Variants in CPNE4 observed in about 807,000 individuals in gnomAD.
CPNE4 encodes the protein copine-4.
CPNE4 carries 25 observed loss-of-function variants against 67.9 expected under a neutral mutation model. The observed-to-expected ratio is 0.37, with a 90% confidence interval of 0.27 to 0.51. The LOEUF (loss-of-function observed/expected upper bound fraction) is 0.51. Ranked by LOEUF, CPNE4 falls within the 20% of genes least tolerant of loss-of-function variation. CPNE4 has a pLI of 0.93. For missense variants in CPNE4, 464 were observed against 690.8 expected (o/e 0.67, Z 3.68); for synonymous variants, 242 against 244.9 (o/e 0.99, Z 0.11).
chr3:131,873,142 A>G (rs1355303464), intron 2 of CPNE4, among the ~76,000 whole-genome samples: 2 of 152,176 alleles, frequency 1.3e-5, no homozygotes, highest in African/African-American at 2.4e-5. Flanking sequence ...TACTTTAACT[A>G]TTGCAAGATT....
chr3:131,705,741 C>T (rs1000893866), intron 3 of CPNE4, among the ~76,000 whole-genome samples: 2 of 152,194 alleles, frequency 1.3e-5, no homozygotes, highest in Admixed American at 1.3e-4. Context: ...TTCCATTTCA[C>T]AGCGTTCTAA....
chr3:131,766,296 A>ACATAGTATCAGGCACATAG (rs145336735), intron 2 of CPNE4, among the ~76,000 whole-genome samples: 2,168 of 152,114 alleles, frequency 0.014, 69 homozygotes, highest in East Asian at 0.11. Flanking sequence ...AAAGTGTTTT[A>ACATAGTATCAGGCACATAG]CAAGTACTCA....
intron 2 of CPNE4, among the ~76,000 whole-genome samples, chr3:131,817,080 AT>A (rs2084770742): frequency 6.6e-6 from 1 of 152,164 alleles, no homozygotes; most frequent in South Asian, 2.1e-4. Flanking sequence ...CGTAAAGGGC[AT>A]TTTCAGCACA....
chr3:131,917,486 A>G (rs942105188), intron 1 of CPNE4, among the ~76,000 whole-genome samples: 18 of 152,126 alleles, frequency 1.2e-4, no homozygotes, highest in African/African-American at 4.3e-4. Flanking sequence ...GAGGAAAGCC[A>G]CTACAGACAT....
At position 131,923,994 on chromosome 3, in the gene CPNE4, G is replaced by A. The variant is rs112603577; in HGVS notation, c.-1-18550C>T. On this transcript the variant is annotated intron_variant, in intron 1 of 15. Coordinates refer to ENST00000429747, the MANE Select transcript of CPNE4 (RefSeq NM_130808.3). Reference sequence around the variant, plus strand: ...CCAAAGGGACCCTCCTGACTCTTACGTGGCCCAGCTTAATTCAACAGAACA... The same window carrying A: ...CCAAAGGGACCCTCCTGACTCTTACATGGCCCAGCTTAATTCAACAGAACA... Among the ~76,000 whole-genome samples the A allele has an allele frequency of 9.1e-3, 1,387 of 152,112 alleles. 18 individuals are homozygous for A. The highest frequency in any genetic ancestry group is 0.032 in the African/African-American group (1,312 of 41,490).
intron 7 of CPNE4, among the ~76,000 whole-genome samples, chr3:131,653,235 T>C (rs1560052971): frequency 2.1e-5 from 3 of 140,662 alleles, no homozygotes. Context: ...AAGCTCCGCC[T>C]CCCGGTTCAC....
intron 11 of CPNE4, among the ~76,000 whole-genome samples, chr3:131,559,263 A>C (rs115185473): frequency 0.02 from 3,083 of 152,152 alleles, 109 homozygotes; most frequent in African/African-American, 0.07. Context: ...ATTGAGTAAT[A>C]CTGCTAGACA....
At chr3:131,764,619 G>A (rs1177301004) in intron 2 of CPNE4, among the ~76,000 whole-genome samples, 2 of 152,076 alleles carry the variant, frequency 1.3e-5, no homozygotes, top group South Asian at 4.1e-4. Flanking sequence ...AGAAAGTAAT[G>A]TGGCAGTGTA....
intron 6 of CPNE4, among the ~76,000 whole-genome samples, chr3:131,671,586 G>T (rs1258456019): frequency 6.6e-6 from 1 of 151,782 alleles, no homozygotes; most frequent in Non-Finnish European, 1.5e-5. Context: ...TTCACTCATC[G>T]GAAAACCTTG....
chr3:131,750,419 T>C (rs1265520923), intron 2 of CPNE4, among the ~76,000 whole-genome samples: 2 of 152,176 alleles, frequency 1.3e-5, no homozygotes, highest in African/African-American at 4.8e-5. Flanking sequence ...TGAACATTTT[T>C]TTAAATTTCA....
At position 131,723,510 on chromosome 3, in the gene CPNE4, CTGA is replaced by C; in HGVS notation, c.293_295del (p.Ile98del). 2 of 1,613,946 alleles carry C rather than the reference CTGA, an allele frequency of 1.2e-6. No individual in the cohort carries two copies. The highest frequency in any genetic ancestry group is 1.7e-6 in the Non-Finnish European group (2 of 1,180,032). On this transcript the variant is annotated inframe_deletion, in exon 3 of 16. Transcript: ENST00000429747. ...CTCCTTCAGCCCATTGTGGTTGCTG[CTGA>C]TGTCATGGACTTCAAACCGCAGGCG...
intron 9 of CPNE4, 69 bp downstream of exon 9, chr3:131,581,510 C>T: frequency 9.8e-7 from 1 of 1,024,420 alleles, no homozygotes; most frequent in Non-Finnish European, 1.5e-6. Flanking sequence ...CCTCTGACCA[C>T]ACCACCTGAA....
intron 1 of CPNE4, among the ~76,000 whole-genome samples, chr3:131,944,721 T>C (rs962182771): frequency 7.8e-6 from 1 of 128,968 alleles, no homozygotes. Flanking sequence ...TACATCTTAA[T>C]TTTTTTACTC....
intron 7 of CPNE4, among the ~76,000 whole-genome samples, chr3:131,591,677 G>A (rs1938540647): frequency 6.6e-6 from 1 of 152,134 alleles, no homozygotes; most frequent in Admixed American, 6.5e-5. Flanking sequence ...CCTCATCAGG[G>A]CAGTTGCAGA....
intron 6 of CPNE4, among the ~76,000 whole-genome samples, chr3:131,683,507 A>G (rs967623572): frequency 6.6e-6 from 1 of 152,144 alleles, no homozygotes; most frequent in Non-Finnish European, 1.5e-5. Context: ...GTTGCAAGAC[A>G]AAGTTATATT....
intron 1 of CPNE4, among the ~76,000 whole-genome samples, chr3:131,975,372 G>A (rs930260903): frequency 1.3e-5 from 2 of 152,124 alleles, no homozygotes; most frequent in Admixed American, 1.3e-4. Flanking sequence ...GAGTTACCTG[G>A]GCATGAGAAT....
intron 10 of CPNE4, among the ~76,000 whole-genome samples, chr3:131,574,286 G>A (rs949673018): frequency 1.3e-5 from 2 of 152,098 alleles, no homozygotes; most frequent in African/African-American, 4.8e-5. Flanking sequence ...TAGCACATCT[G>A]TCTTTTGCCA....
At chr3:131,955,004 C>A (rs776905035) in intron 1 of CPNE4, among the ~76,000 whole-genome samples, 1 of 148,904 alleles carries the variant, frequency 6.7e-6, no homozygotes, top group Non-Finnish European at 1.5e-5. Context: ...TTCACAGATA[C>A]GCACACCAAT....
intron 1 of CPNE4, among the ~76,000 whole-genome samples, chr3:132,033,399 GTGTGTC>G (rs200561270): frequency 2.0e-5 from 1 of 49,160 alleles, no homozygotes; most frequent in Non-Finnish European, 6.2e-5. Context: ...GAGTGTGTGT[GTGTGTC>G]TGTGTGTGTG....
Sources: gnomAD v4.1 joint callset for allele counts (sites outside exome capture counted in the v4.1 genomes callset) on GRCh38, gnomAD v4.1.1 for gene constraint, MANE v1.5 for transcripts, NCBI Gene and HGNC (gene_info 2026-07-23, HGNC 2026-07-21) for gene names.